The following GCNT1 variants were observed in gnomAD, a reference collection of about 807,000 sequenced individuals.
GCNT1 encodes glucosaminyl (N-acetyl) transferase 1.
In GCNT1, 16 loss-of-function variants were observed where a neutral mutation model predicts 26.2. The ratio of observed to expected loss-of-function variants is 0.61; its 90% CI spans 0.41 to 0.93. The LOEUF is 0.93. Among genes scored for constraint, GCNT1 ranks in the 40% least tolerant of loss-of-function variants. The pLI is 0.00. For synonymous variants in GCNT1, 183 were observed against 190.8 expected (o/e 0.96, Z 0.34); for missense variants, 477 against 526.7 (o/e 0.91, Z 0.92).
At chr9:76,471,705 A>T (rs1824136657) in intron 2 of GCNT1, among the ~76,000 whole-genome samples, 1 of 152,190 alleles carries the variant, frequency 6.6e-6, no homozygotes, top group Non-Finnish European at 1.5e-5. Context: ...ATTTTGAGGC[A>T]TGTCCTCTGT....
upstream of GCNT1, among the ~76,000 whole-genome samples, chr9:76,437,149 AAGAG>A (rs748628453): frequency 2.6e-5 from 4 of 151,818 alleles, no homozygotes; most frequent in Non-Finnish European, 5.9e-5. Context: ...TGGGGAAAAA[AAGAG>A]AGAGAGAGAG....
intron 1 of GCNT1, among the ~76,000 whole-genome samples, chr9:76,431,262 C>A (rs1200026350): frequency 6.6e-6 from 1 of 152,082 alleles, no homozygotes; most frequent in Non-Finnish European, 1.5e-5. Flanking sequence ...CAAGGTAAGG[C>A]TCAATCCTCC....
In GCNT1 at chr9:76,429,994, G is replaced by A. The variant is rs988446638; in HGVS notation, n.38+10107G>A. 9.2e-5 allele frequency among the ~76,000 whole-genome samples: 14 copies of A among 152,210 alleles called. No homozygotes were observed. In the East Asian group the frequency reaches 1.2e-3, roughly 13 times the overall value. On this transcript the variant is annotated intron_variant and non_coding_transcript_variant, in intron 1 of 3. Coordinates refer to the GCNT1 transcript ENST00000488136. ...CTCCCAAAGTGCTGGGATTACAGGC[G>A]TGAGTCACCATGCCCAGCCTCAAGC...
the GCNT1 span, among the ~76,000 whole-genome samples, chr9:76,402,993 A>G: frequency 4.6e-5 from 7 of 152,166 alleles, no homozygotes; most frequent in Non-Finnish European, 7.3e-5. Flanking sequence ...TGTTTAATAA[A>G]TACACCGCAC....
At chr9:76,443,041 G>C (rs79218470) in intron 1 of GCNT1, among the ~76,000 whole-genome samples, 13,382 of 152,080 alleles carry the variant, frequency 0.088, 698 homozygotes, top group East Asian at 0.15. Context: ...AATGGAGATG[G>C]GTAAAAGGGA....
chr9:76,449,545 A>G (rs527303155), intron 1 of GCNT1, among the ~76,000 whole-genome samples: 1 of 152,256 alleles, frequency 6.6e-6, no homozygotes, highest in Admixed American at 6.5e-5. Context: ...ATTCATCTGC[A>G]TAACACACCT....
chr9:76,417,376 C>T (rs1823142286), upstream of GCNT1, among the ~76,000 whole-genome samples: 2 of 152,104 alleles, frequency 1.3e-5, no homozygotes, highest in African/African-American at 4.8e-5. Flanking sequence ...TTTTCCTCTA[C>T]CCACTAGTTT....
At chr9:76,399,269 T>A in the GCNT1 span, 7 of 1,439,570 alleles carry the variant, frequency 4.9e-6, no homozygotes, top group South Asian at 2.3e-5. Flanking sequence ...CACGATTTCC[T>A]ATGACCACCC....
intron 1 of GCNT1, among the ~76,000 whole-genome samples, chr9:76,445,473 C>T (rs1278137249): frequency 6.6e-6 from 1 of 151,974 alleles, no homozygotes; most frequent in Non-Finnish European, 1.5e-5. Context: ...CTGCAAACTC[C>T]ACCTCTTGGG....
At chr9:76,453,336 A>C (rs1823703925) in intron 1 of GCNT1, among the ~76,000 whole-genome samples, 1 of 152,190 alleles carries the variant, frequency 6.6e-6, no homozygotes, top group South Asian at 2.1e-4. Flanking sequence ...CAAGGCAACA[A>C]AAGAGAAGGT....
At chr9:76,463,523 T>A (rs1173274666) in intron 2 of GCNT1, among the ~76,000 whole-genome samples, 1 of 152,244 alleles carries the variant, frequency 6.6e-6, no homozygotes, top group Non-Finnish European at 1.5e-5. Flanking sequence ...TATTTGGTCA[T>A]CAATGCAATA....
upstream of GCNT1, among the ~76,000 whole-genome samples, chr9:76,440,120 G>GA (rs1400521153): frequency 7.4e-5 from 11 of 148,196 alleles, no homozygotes; most frequent in Admixed American, 7.4e-4. Context: ...AAAAAAAAAA[G>GA]AAAAAATGAA....
intron 1 of GCNT1, among the ~76,000 whole-genome samples, chr9:76,431,814 C>T (rs1823341685): frequency 6.6e-6 from 1 of 152,116 alleles, no homozygotes; most frequent in Non-Finnish European, 1.5e-5. Context: ...ACTCCTATCC[C>T]TTAAGAAATT....
intron 2 of GCNT1, among the ~76,000 whole-genome samples, chr9:76,484,253 T>A (rs1824505162): frequency 1.3e-5 from 2 of 151,882 alleles, no homozygotes; most frequent in African/African-American, 4.8e-5. Flanking sequence ...CAGGTGCACC[T>A]GTGGTTGCAG....
chr9:76,491,994 C>T lies in GCNT1; in HGVS notation c.-289-8922C>T, dbSNP rs528517445. Among the ~76,000 whole-genome samples, 456 of 152,254 alleles carry T rather than the reference C, an allele frequency of 3.0e-3. 2 individuals are homozygous for T. The highest frequency in any genetic ancestry group is 0.01 in the Middle Eastern group (3 of 294). On this transcript the variant is annotated intron_variant, in intron 2 of 3. Coordinates refer to ENST00000376730, the MANE Select transcript of GCNT1 (RefSeq NM_001490.5). ...TAGCCTCTGACACTAAGACAGCCAC[C>T]GCCGCAACTATCTGTAAACAGTGAG...
chr9:76,499,762 G>C (rs1825011357), intron 2 of GCNT1, among the ~76,000 whole-genome samples: 1 of 152,084 alleles, frequency 6.6e-6, no homozygotes, highest in African/African-American at 2.4e-5. Context: ...TGTTTCTGCT[G>C]TTATTAATAT....
intron 2 of GCNT1, among the ~76,000 whole-genome samples, chr9:76,476,815 C>T (rs1262069592): frequency 6.6e-6 from 1 of 152,178 alleles, no homozygotes; most frequent in Non-Finnish European, 1.5e-5. Context: ...ACACTAAACT[C>T]AAAAAGGTTA....
At chr9:76,405,027 C>G in the GCNT1 span, among the ~76,000 whole-genome samples, 2 of 151,970 alleles carry the variant, frequency 1.3e-5, no homozygotes, top group Non-Finnish European at 2.9e-5. Context: ...CCATGTTGAC[C>G]AGGCTGGTCT....
intron 2 of GCNT1, among the ~76,000 whole-genome samples, chr9:76,484,119 G>A (rs768268406): frequency 3.3e-5 from 5 of 152,192 alleles, no homozygotes; most frequent in Non-Finnish European, 7.3e-5. Flanking sequence ...GGTGGCTCAC[G>A]CCTGTAATCC....
Sources: allele counts gnomAD v4.1 joint callset (sites outside exome capture counted in the v4.1 genomes callset), GRCh38; gene constraint gnomAD v4.1.1; transcripts MANE v1.5; gene names NCBI Gene and HGNC (gene_info 2026-07-23, HGNC 2026-07-21).